Variants in CCZ1B observed in about 807,000 individuals in gnomAD.
CCZ1B encodes the protein vacuolar fusion protein CCZ1 homolog B.
A neutral mutation model predicts 58.8 loss-of-function variants in CCZ1B; 25 were observed. The ratio of observed to expected loss-of-function variants is 0.43; its 90% CI spans 0.31 to 0.59. The LOEUF (loss-of-function observed/expected upper bound fraction) is 0.59. Ranked by LOEUF, CCZ1B falls within the 20% of genes least tolerant of loss-of-function variation. The probability of loss-of-function intolerance (pLI) is 0.12; values close to 1 mark genes in which losing one functional copy is unlikely to be tolerated. For missense variants in CCZ1B, 180 were observed against 501.5 expected, an observed-to-expected ratio of 0.36 and a Z score of 6.12; for synonymous variants, 66 against 173.2, an observed-to-expected ratio of 0.38 and a Z score of 4.86.
rs1185727145 is a variant in CCZ1B, at chr7:6,812,882, T to C, written c.842+94A>G. On this transcript the variant is annotated intron_variant, in intron 9 of 14. Coordinates refer to ENST00000316731, the MANE Select transcript of CCZ1B (RefSeq NM_198097.5). ...GCAGAGGTTGCAGTGAGCGGAGATC[T>C]TGCCACTGCTCTCCAGCCTGGGTAA... 20 of 1,545,544 alleles carry C rather than the reference T, an allele frequency of 1.3e-5. No individual in the cohort carries two copies. The East Asian group carries it at 4.1e-4, about 31-fold the overall frequency.
chr7:6,826,026 C>A (rs1783193131), intron 1 of CCZ1B, 52 bp downstream of exon 1: 5 of 536,222 alleles, frequency 9.3e-6, no homozygotes, highest in Non-Finnish European at 1.5e-5. Flanking sequence ...ACAGGGCCAC[C>A]TTCCCGGGGA....
At chr7:6,825,818 C>G (rs1461151917) in intron 1 of CCZ1B, among the ~76,000 whole-genome samples, 6 of 73,174 alleles carry the variant, frequency 8.2e-5, no homozygotes, top group Admixed American at 3.7e-4. Context: ...TTTTAATTTC[C>G]CAGAACTGAC....
intron 8 of CCZ1B, among the ~76,000 whole-genome samples, chr7:6,814,174 T>A (rs1207128458): frequency 6.7e-6 from 1 of 148,732 alleles, no homozygotes; most frequent in East Asian, 1.9e-4. Context: ...ATAAATAAAA[T>A]AAAATACATA....
chr7:6,818,713 A>G (rs1403573337), intron 7 of CCZ1B, among the ~76,000 whole-genome samples: 13 of 82,806 alleles, frequency 1.6e-4, no homozygotes, highest in Non-Finnish European at 3.1e-4. Flanking sequence ...AAAGAAAGAC[A>G]AGAAAGAAAG....
At chr7:6,817,671 G>A (rs1228016764) in intron 7 of CCZ1B, among the ~76,000 whole-genome samples, 1 of 149,796 alleles carries the variant, frequency 6.7e-6, no homozygotes, top group African/African-American at 2.5e-5. Flanking sequence ...AGCAACTATA[G>A]CTGAGTCAGT....
rs199695831 is a variant in CCZ1B, at chr7:6,805,969, G to A, written c.988+35C>T. 4,684 of 904,816 alleles carry A rather than the reference G, an allele frequency of 5.2e-3. 48 individuals carry two copies. The highest frequency in any genetic ancestry group is 6.9e-3 in the Non-Finnish European group (3,904 of 566,246). The allele number at this position is 904,816 out of a possible 1,614,324, so 56.0% of individuals were successfully genotyped here. ...AATAGGATGCAGCAAAGTACAAAAA[G>A]CTTAGGCTGAAATCAGACAAAGGCG... On this transcript the variant is annotated intron_variant, in intron 11 of 14. Coordinates refer to ENST00000316731, the MANE Select transcript of CCZ1B (RefSeq NM_198097.5).
intron 6 of CCZ1B, among the ~76,000 whole-genome samples, chr7:6,820,503 G>T (rs1272160775): frequency 1.4e-5 from 2 of 147,936 alleles, no homozygotes; most frequent in Non-Finnish European, 3.0e-5. Flanking sequence ...TTTTGGTATA[G>T]ACAGAGTCTT....
chr7:6,803,847 G>A (rs1367572986), intron 12 of CCZ1B, among the ~76,000 whole-genome samples: 2 of 151,038 alleles, frequency 1.3e-5, no homozygotes, highest in African/African-American at 4.9e-5. Flanking sequence ...TACTCAGGAG[G>A]CTGAGGCAGG....
In CCZ1B at chr7:6,820,481, AT is replaced by A. The variant is rs1373094438; in HGVS notation, c.523-541del. Among the ~76,000 whole-genome samples the A allele has an allele frequency of 2.5e-3, 348 of 141,848 alleles. 7 individuals carry two copies. The highest frequency in any genetic ancestry group is 7.2e-3 in the Middle Eastern group (2 of 278). 93.1% of individuals were successfully genotyped at this position (141,848 alleles called of 152,430 possible). On this transcript the variant is annotated intron_variant, in intron 6 of 14. Transcript: ENST00000316731. ...TGTGAGCCACCACGCCTGGCCAAAA[AT>A]TTTTTTTTTTTTTTGGTATAGACAG...
chr7:6,818,667 C>CA lies in CCZ1B; in HGVS notation c.698+1098dup, dbSNP rs1221778627. On this transcript the variant is annotated intron_variant, in intron 7 of 14. Transcript: ENST00000316731. ...AAAGAAAGACAGAAAGAAAGACAGA[C>CA]AGAAAGAAAGAAAGAAAGAAAGAAA... Among the ~76,000 whole-genome samples, 150 of 73,692 alleles carry CA rather than the reference C, an allele frequency of 2.0e-3. 2 individuals are homozygous for CA. Among genetic ancestry groups the CA allele is most frequent in the Middle Eastern group, 6.7e-3 (1 of 150 alleles). The allele number at this position is 73,692 out of a possible 152,430, so 48.3% of individuals were successfully genotyped here. A position where few individuals can be genotyped will look rare whatever the true frequency, so the allele number is the denominator to read the frequency against.
chr7:6,813,670 A>G (rs2115118057), intron 8 of CCZ1B, among the ~76,000 whole-genome samples: 1 of 149,756 alleles, frequency 6.7e-6, no homozygotes, highest in East Asian at 1.9e-4. Flanking sequence ...GGGAGAACAC[A>G]GTGATATCAT....
intron 6 of CCZ1B, among the ~76,000 whole-genome samples, chr7:6,820,239 T>C (rs1583556523): frequency 6.7e-6 from 1 of 149,470 alleles, no homozygotes; most frequent in Non-Finnish European, 1.5e-5. Flanking sequence ...AGTGCAGTGG[T>C]GCGATCTCAG....
At position 6,800,981 on chromosome 7, in the gene CCZ1B, TCAAAA is replaced by T; in HGVS notation, c.1355_1359del (p.Ile452LysfsTer9). On this transcript the variant is annotated frameshift_variant, in exon 14 of 15. Coordinates refer to ENST00000316731, the MANE Select transcript of CCZ1B (RefSeq NM_198097.5). LOFTEE classifies it high-confidence loss of function. ...TCAATCAGGTTTGCATTTTTTTGAT[TCAAAA>T]TAACATAGAGCTCCCGCCGATCAGA... 2 of 1,142,822 alleles carry T rather than the reference TCAAAA, an allele frequency of 1.8e-6. No individual in the cohort carries two copies. Among genetic ancestry groups the T allele is most frequent in the Admixed American group, 2.9e-5 (1 of 34,742 alleles). 70.8% of individuals were successfully genotyped at this position (1,142,822 alleles called of 1,614,324 possible). A position where few individuals can be genotyped will look rare whatever the true frequency, so the allele number is the denominator to read the frequency against.
At chr7:6,814,510 C>G in intron 8 of CCZ1B, 4 of 362,600 alleles carry the variant, frequency 1.1e-5, no homozygotes, top group Non-Finnish European at 5.0e-6. Context: ...ACCAAACAAA[C>G]AAAAACACAC....
intron 5 of CCZ1B, 72 bp from the exon 6 acceptor site, chr7:6,822,436 T>G: frequency 6.5e-7 from 1 of 1,529,670 alleles, no homozygotes; most frequent in Non-Finnish European, 8.7e-7. Flanking sequence ...ACAAGTTCTT[T>G]TTTTCCTTTA....
At chr7:6,814,064 T>G (rs1259213096) in intron 8 of CCZ1B, among the ~76,000 whole-genome samples, 1 of 148,798 alleles carries the variant, frequency 6.7e-6, no homozygotes. Context: ...GAGAATTGTT[T>G]GAATCCAGGA....
intron 1 of CCZ1B, among the ~76,000 whole-genome samples, chr7:6,825,059 G>T (rs200417252): frequency 0.088 from 8,049 of 91,658 alleles, 40 homozygotes; most frequent in African/African-American, 0.16. Context: ...CGATAGTCAA[G>T]AAGTCACATC....
intron 7 of CCZ1B, 141 bp from the exon 8 acceptor site, chr7:6,814,986 T>A: frequency 3.6e-6 from 2 of 554,936 alleles, no homozygotes; most frequent in Non-Finnish European, 6.1e-6. Context: ...TTTTAAAGTT[T>A]AAAGCTACTT....
chr7:6,819,818 T>C lies in CCZ1B; in HGVS notation c.646A>G (p.Ser216Gly), dbSNP rs1300172355. ...IQSFINRMEESLNIVKYTAFL... is the reference protein window; with the variant it reads ...IQSFINRMEEGLNIVKYTAFL... Reference sequence around the variant, plus strand: ...GCAGTGTATTTGACTATATTCAGGCTTTCCTCCATTCTATTAATAAAGGAC... The same window carrying C: ...GCAGTGTATTTGACTATATTCAGGCCTTCCTCCATTCTATTAATAAAGGAC... Residue 216 changes from serine to glycine, a missense_variant, in exon 7 of 15, where the codon AGC becomes GGC. Physicochemically the swap from Ser to Gly is moderately conservative, Grantham distance 56. Coordinates refer to ENST00000316731, the MANE Select transcript of CCZ1B (RefSeq NM_198097.5). 3 of 1,567,936 alleles carry C rather than the reference T, an allele frequency of 1.9e-6. No individual in the cohort carries two copies. Among genetic ancestry groups the C allele is most frequent in the Non-Finnish European group, 2.6e-6 (3 of 1,146,908 alleles).
Sources: gnomAD v4.1 joint callset for allele counts (sites outside exome capture counted in the v4.1 genomes callset) on GRCh38, gnomAD v4.1.1 for gene constraint, MANE v1.5 for transcripts, NCBI Gene and HGNC (gene_info 2026-07-23, HGNC 2026-07-21) for gene names.